The following CALR3 variants were observed in gnomAD, a reference collection of about 807,000 sequenced individuals.
CALR3 encodes the protein calreticulin 3.
CALR3 carries 39 observed loss-of-function variants against 48.7 expected under a neutral mutation model. The observed-to-expected ratio is 0.80, with a 90% CI of 0.62 to 1.05. The LOEUF is 1.05. CALR3 is among the 50% of genes least tolerant of loss of function. The probability of loss-of-function intolerance (pLI) is 0.00; values close to 1 mark genes in which losing one functional copy is unlikely to be tolerated. For missense variants in CALR3, 449 were observed against 474.7 expected, an observed-to-expected ratio of 0.95 and a Z score of 0.50; for synonymous variants, 185 against 172.7, an observed-to-expected ratio of 1.07 and a Z score of -0.56.
intron 4 of CALR3, 63 bp from the exon 5 acceptor site, chr19:16,484,178 C>A: frequency 5.7e-5 from 62 of 1,079,368 alleles, no homozygotes; most frequent in Non-Finnish European, 7.0e-5. Context: ...CTTTTCTTTT[C>A]TTTTTTTTTT....
chr19:16,488,571 A>AT (rs201558996), intron 3 of CALR3, among the ~76,000 whole-genome samples: 25,777 of 151,538 alleles, frequency 0.17, 2,240 homozygotes, highest in African/African-American at 0.21. Flanking sequence ...TGCCCGGCTA[A>AT]TTTTTTTTGT....
Position 16,485,208 on chromosome 19 carries a change from A to C in CALR3, c.447T>G (p.His149Gln), listed in dbSNP as rs931054694. ...FDIKKVHVIL[H>Q]FKNKYHENKK... ...TGTTTTCGTGATACTTATTCTTGAA[A>C]TGTAAAATAACATGAACTTTCTTGA... Residue 149 changes from histidine to glutamine, a missense_variant, in exon 4 of 9, where the codon CAT becomes CAG. His to Gln is a conservative substitution (Grantham distance 24). Transcript: ENST00000269881. 3.1e-6 allele frequency: 5 copies of C among 1,610,806 alleles called. No individual in the cohort carries two copies. The highest frequency in any genetic ancestry group is 4.2e-6 in the Non-Finnish European group (5 of 1,177,212).
chr19:16,483,168 A>G (rs1230969083), intron 5 of CALR3, among the ~76,000 whole-genome samples: 1 of 152,054 alleles, frequency 6.6e-6, no homozygotes, highest in East Asian at 1.9e-4. Flanking sequence ...TGAGAAAGGA[A>G]ATTATTAGAT....
chr19:16,483,804 T>TG, intron 5 of CALR3, 126 bp downstream of exon 5: 1 of 869,390 alleles, frequency 1.2e-6, no homozygotes, highest in Non-Finnish European at 1.9e-6. Context: ...GTGTGTGCTC[T>TG]GGGGAGGGCA....
chr19:16,487,599 TA>T (rs1006078182), intron 3 of CALR3, among the ~76,000 whole-genome samples: 55 of 152,192 alleles, frequency 3.6e-4, no homozygotes, highest in African/African-American at 1.3e-3. Flanking sequence ...GGGTGTTTTT[TA>T]GTTCTATTTT....
chr19:16,484,540 C>G (rs1481113157), intron 4 of CALR3, among the ~76,000 whole-genome samples: 1 of 151,770 alleles, frequency 6.6e-6, no homozygotes, highest in Non-Finnish European at 1.5e-5. Flanking sequence ...TTTTTTGAGA[C>G]AGGGTCTTGC....
chr19:16,485,765 T>C (rs1411989838), intron 3 of CALR3, among the ~76,000 whole-genome samples: 1 of 152,074 alleles, frequency 6.6e-6, no homozygotes, highest in Admixed American at 6.6e-5. Context: ...GTGATTCTCC[T>C]GCATCAACCT....
chr19:16,480,942 G>A (rs575517766), intron 7 of CALR3, among the ~76,000 whole-genome samples: 1 of 152,118 alleles, frequency 6.6e-6, no homozygotes, highest in South Asian at 2.1e-4. Flanking sequence ...AATCACTTGA[G>A]GTCAGGAGTT....
chr19:16,483,239 TGG>T (rs2093383820), intron 5 of CALR3, among the ~76,000 whole-genome samples: 1 of 152,168 alleles, frequency 6.6e-6, no homozygotes, highest in Non-Finnish European at 1.5e-5. Context: ...TTCTTCAGTT[TGG>T]TGGTCAGGAG....
At chr19:16,483,213 C>G (rs915025407) in intron 5 of CALR3, among the ~76,000 whole-genome samples, 2 of 152,086 alleles carry the variant, frequency 1.3e-5, no homozygotes, top group Non-Finnish European at 2.9e-5. Flanking sequence ...GACCCCTGTC[C>G]CAGTGTCCCT....
rs140290452 is a variant in CALR3, at chr19:16,479,219, C to T, written c.1067G>A (p.Arg356His). The change falls in exon 9 of 9, where the codon CGC becomes CAC. Residue 356 changes from arginine to histidine, a missense_variant. Transcript: ENST00000269881. The part of the protein sequence containing the change: ...IQAKEEMKKA[R>H]EEEEEELLSG... ...CAGCAGCTCTTCCTCCTCTTCCTCG[C>T]GGGCCTTCTTCATTTCCTCCTTGGC... is the stretch of plus-strand genomic sequence containing the variant. The T allele has an allele frequency of 4.7e-5, 76 of 1,613,962 alleles. No homozygotes were observed. Among genetic ancestry groups the T allele is most frequent in the Middle Eastern group, 1.6e-4 (1 of 6,084 alleles).
Position 16,479,291 on chromosome 19 carries a change from A to C in CALR3, c.1012-17T>G, listed in dbSNP as rs761254042. 1 of 1,613,954 alleles carries C rather than the reference A, an allele frequency of 6.2e-7. No homozygotes were observed. Among genetic ancestry groups the C allele is most frequent in the South Asian group, 1.1e-5 (1 of 91,080 alleles). ...TTCTGGACCCTGGAGAAAGAAAGAA[A>C]AAACATAAGCCCCACCGGGTGCGAT... On this transcript the variant is annotated splice_polypyrimidine_tract_variant and intron_variant, in intron 8 of 8. Transcript: ENST00000269881.
At chr19:16,481,365 A>G (rs1407954349) in intron 7 of CALR3, among the ~76,000 whole-genome samples, 2 of 151,696 alleles carry the variant, frequency 1.3e-5, no homozygotes, top group African/African-American at 4.8e-5. Flanking sequence ...TGGTGCTTAA[A>G]CCCATTTCTA....
At chr19:16,495,534 G>C (rs541227986) in intron 2 of CALR3, among the ~76,000 whole-genome samples, 9 of 139,942 alleles carry the variant, frequency 6.4e-5, no homozygotes, top group Admixed American at 5.4e-4. Flanking sequence ...ACTCCAGCCT[G>C]GGCAACAGAG....
intron 4 of CALR3, among the ~76,000 whole-genome samples, chr19:16,484,955 GC>G (rs1271656193): frequency 6.6e-6 from 1 of 152,124 alleles, no homozygotes; most frequent in Non-Finnish European, 1.5e-5. Flanking sequence ...AAATGAGAGT[GC>G]CCTCCTGATG....
At chr19:16,492,982 G>T (rs2093400404) in intron 2 of CALR3, among the ~76,000 whole-genome samples, 1 of 152,142 alleles carries the variant, frequency 6.6e-6, no homozygotes, top group African/African-American at 2.4e-5. Context: ...GGTGAGCAGA[G>T]ATCACGCCAT....
intron 5 of CALR3, 36 bp from the exon 6 acceptor site, chr19:16,482,821 A>T: frequency 6.4e-7 from 1 of 1,556,868 alleles, no homozygotes; most frequent in Non-Finnish European, 8.8e-7. Context: ...AAAATCAGTC[A>T]GATGCTCATA....
intron 3 of CALR3, among the ~76,000 whole-genome samples, chr19:16,488,464 G>C (rs919065317): frequency 6.6e-6 from 1 of 152,120 alleles, no homozygotes; most frequent in Non-Finnish European, 1.5e-5. Context: ...GAGTGCAGTG[G>C]TGAGATCTCG....
intron 3 of CALR3, among the ~76,000 whole-genome samples, chr19:16,487,406 G>C (rs1197305247): frequency 6.6e-6 from 1 of 151,106 alleles, no homozygotes; most frequent in East Asian, 2.0e-4. Flanking sequence ...CTTGAACCTG[G>C]GAGGCAGAGG....
Sources: allele counts gnomAD v4.1 joint callset (sites outside exome capture counted in the v4.1 genomes callset), GRCh38; gene constraint gnomAD v4.1.1; transcripts MANE v1.5; gene names NCBI Gene and HGNC (gene_info 2026-07-23, HGNC 2026-07-21).